ETS2: variants seen among roughly 807,000 people sequenced by gnomAD.
ETS2 encodes ETS proto-oncogene 2, transcription factor.
Under a neutral mutation model 54.9 loss-of-function variants are expected in ETS2, and 19 were observed. The observed-to-expected ratio is 0.35, with a 90% confidence interval of 0.24 to 0.51. ETS2 has a LOEUF of 0.51. Among genes scored for constraint, ETS2 ranks in the 20% least tolerant of loss-of-function variants. The pLI is 0.97. For synonymous variants in ETS2, 219 were observed against 229.3 expected (o/e 0.95, Z 0.41); for missense variants, 417 against 593.0 (o/e 0.70, Z 3.08).
chr21:38,810,490 G>A (rs1038250301), intron 2 of ETS2, among the ~76,000 whole-genome samples: 5 of 152,226 alleles, frequency 3.3e-5, no homozygotes, highest in Non-Finnish European at 7.3e-5. Flanking sequence ...AGAGAGAAGA[G>A]GCAGACAGAC....
At chr21:38,818,700 A>G in intron 7 of ETS2, 54 bp downstream of exon 7, 5 of 1,593,740 alleles carry the variant, frequency 3.1e-6, no homozygotes, top group Non-Finnish European at 4.3e-6. Context: ...TGAGAACCCC[A>G]GAGCCATAAT....
At position 38,814,134 on chromosome 21, in the gene ETS2, A is replaced by G; in HGVS notation, c.185-139A>G. The G allele has an allele frequency of 1.3e-6, 1 of 791,848 alleles. No individual in the cohort carries two copies. Among genetic ancestry groups the G allele is most frequent in the South Asian group, 1.8e-5 (1 of 56,486 alleles). 49.1% of individuals were successfully genotyped at this position (791,848 alleles called of 1,614,324 possible). A position where few individuals can be genotyped will look rare whatever the true frequency, so the allele number is the denominator to read the frequency against. ...ATAGTCAGAAAAGTTTTTTGTTAAT[A>G]GTTACACTGTTTTAAGGAATCATGC... is the stretch of plus-strand genomic sequence containing the variant. On this transcript the variant is annotated intron_variant, in intron 3 of 9. Coordinates refer to ENST00000360938, the MANE Select transcript of ETS2 (RefSeq NM_005239.6). The surrounding 1 kb of genome is among the most constrained non-coding windows in gnomAD (Gnocchi z 4.2).
At chr21:38,808,410 C>T (rs1415029611) in intron 1 of ETS2, among the ~76,000 whole-genome samples, 3 of 152,150 alleles carry the variant, frequency 2.0e-5, no homozygotes. Context: ...GTGAATGTGG[C>T]CACTTTGGAC....
chr21:38,807,791 G>C (rs1041832055), intron 1 of ETS2, among the ~76,000 whole-genome samples: 2 of 152,154 alleles, frequency 1.3e-5, no homozygotes, highest in South Asian at 2.1e-4. Context: ...CTGAAAAACA[G>C]AATCAAGTCA....
intron 7 of ETS2, among the ~76,000 whole-genome samples, chr21:38,819,065 G>A (rs539425111): frequency 8.5e-5 from 13 of 152,116 alleles, no homozygotes; most frequent in African/African-American, 1.7e-4. Context: ...AGATTCCTTC[G>A]TACCCCTTCC....
At chr21:38,817,321 G>A (rs2060939478) in intron 6 of ETS2, among the ~76,000 whole-genome samples, 1 of 152,192 alleles carries the variant, frequency 6.6e-6, no homozygotes, top group Non-Finnish European at 1.5e-5. Flanking sequence ...ATGAAACAGA[G>A]AATATAAAAT....
Position 38,806,002 on chromosome 21 carries a change from C to T in ETS2, c.-119C>T. 7.9e-7 allele frequency: 1 copy of T among 1,263,378 alleles called. No individual in the cohort carries two copies. Among genetic ancestry groups the T allele is most frequent in the Non-Finnish European group, 1.0e-6 (1 of 978,858 alleles). The allele number at this position is 1,263,378 out of a possible 1,614,324, so 78.3% of individuals were successfully genotyped here. Reference sequence around the variant, plus strand: ...GCTCCCGGAGCCGCCCGGCCAGCGTCCGGCCTCCCTGATCGTCTCTGGCCG... The same window carrying T: ...GCTCCCGGAGCCGCCCGGCCAGCGTTCGGCCTCCCTGATCGTCTCTGGCCG... On this transcript the variant is annotated 5_prime_UTR_variant, in exon 1 of 10. Coordinates refer to ENST00000360938, the MANE Select transcript of ETS2 (RefSeq NM_005239.6). The surrounding 1 kb of genome is among the most constrained non-coding windows in gnomAD (Gnocchi z 4.3).
At chr21:38,808,304 G>C (rs2060901108) in intron 1 of ETS2, among the ~76,000 whole-genome samples, 1 of 152,200 alleles carries the variant, frequency 6.6e-6, no homozygotes. Flanking sequence ...TTAGCTCTTA[G>C]TAACTAGGCA....
chr21:38,807,781 C>G (rs1365817731), intron 1 of ETS2, among the ~76,000 whole-genome samples: 5 of 152,126 alleles, frequency 3.3e-5, no homozygotes, highest in Non-Finnish European at 7.3e-5. Context: ...CTCAGAGAAG[C>G]TGAAAAACAG....
chr21:38,812,471 T>G (rs866648879), intron 2 of ETS2, among the ~76,000 whole-genome samples: 3 of 152,366 alleles, frequency 2.0e-5, no homozygotes, highest in South Asian at 4.1e-4. Context: ...ACTCCGACTC[T>G]GTGAGGTTAC....
intron 2 of ETS2, among the ~76,000 whole-genome samples, chr21:38,812,198 G>A (rs2060916297): frequency 6.7e-6 from 1 of 149,924 alleles, no homozygotes; most frequent in Non-Finnish European, 1.5e-5. Context: ...AGATAAAGTA[G>A]TGTATTTCAT....
At chr21:38,815,986 GGAAGGAAGGAAGGAAGGAA>G (rs2060931719) in intron 5 of ETS2, among the ~76,000 whole-genome samples, 5 of 100 alleles carry the variant, frequency 0.05, no homozygotes, top group African/African-American at 0.25. Context: ...AAGGAAGGAA[GGAAGGAAGGAAGGAAGGAA>G]GGAAGGAGGG....
chr21:38,810,008 T>C, intron 1 of ETS2, 27 bp from the exon 2 acceptor site: 1 of 1,521,670 alleles, frequency 6.6e-7, no homozygotes, highest in Admixed American at 2.1e-5. Flanking sequence ...CTTTTGCCTC[T>C]TTGACTTTTT....
At chr21:38,816,918 T>A (rs2060937601) in intron 5 of ETS2, 90 bp from the exon 6 acceptor site, 1 of 742,186 alleles carries the variant, frequency 1.3e-6, no homozygotes, top group Non-Finnish European at 2.4e-6. Flanking sequence ...ATTCTAAAAT[T>A]ATCATCTCAC....
At chr21:38,812,972 A>G (rs780067223) in intron 2 of ETS2, 31 bp from the exon 3 acceptor site, 3 of 1,432,216 alleles carry the variant, frequency 2.1e-6, no homozygotes, top group Non-Finnish European at 3.0e-6. Context: ...TAAATATTGT[A>G]TTTCCATTTT....
At chr21:38,819,928 C>T (rs956406926) in intron 8 of ETS2, among the ~76,000 whole-genome samples, 162 bp downstream of exon 8, 3 of 152,170 alleles carry the variant, frequency 2.0e-5, no homozygotes, top group African/African-American at 4.8e-5. Context: ...TCTCTGAATT[C>T]GACAAAAGCC....
Position 38,815,044 on chromosome 21 carries a change from G to A in ETS2, c.505+63G>A, listed in dbSNP as rs1391956143. The A allele has an allele frequency of 3.3e-6, 5 of 1,525,500 alleles. No individual in the cohort carries two copies. In the African/African-American group the frequency reaches 4.1e-5, roughly 12 times the overall value. The allele number at this position is 1,525,500 out of a possible 1,614,324, so 94.5% of individuals were successfully genotyped here. A position where few individuals can be genotyped will look rare whatever the true frequency, so the allele number is the denominator to read the frequency against. Reference sequence around the variant, plus strand: ...GAGCTGTGGCCGGGAAGACTGATTGGGAAAGTCACGTGGGTGTTCTTCAAC... The same window carrying A: ...GAGCTGTGGCCGGGAAGACTGATTGAGAAAGTCACGTGGGTGTTCTTCAAC... On this transcript the variant is annotated intron_variant, in intron 5 of 9. Coordinates refer to ENST00000360938, the MANE Select transcript of ETS2 (RefSeq NM_005239.6).
intron 9 of ETS2, among the ~76,000 whole-genome samples, chr21:38,822,109 C>G (rs2060960609): frequency 6.6e-6 from 1 of 152,156 alleles, no homozygotes; most frequent in Admixed American, 6.5e-5. Flanking sequence ...TGACCCCAGC[C>G]CTGCAGAGTT....
chr21:38,810,421 C>T (rs2060909787), intron 2 of ETS2, among the ~76,000 whole-genome samples: 1 of 152,192 alleles, frequency 6.6e-6, no homozygotes, highest in African/African-American at 2.4e-5. Context: ...TCTCTACTGC[C>T]TTTTCTGTCT....
Sources: gnomAD v4.1 joint callset for allele counts (sites outside exome capture counted in the v4.1 genomes callset) on GRCh38, gnomAD v4.1.1 for gene constraint, Gnocchi (gnomAD v3.1) non-coding constraint, MANE v1.5 for transcripts, NCBI Gene and HGNC (gene_info 2026-07-23, HGNC 2026-07-21) for gene names.